VWA8: variants seen among roughly 807,000 people sequenced by gnomAD.
VWA8 encodes the protein von Willebrand factor A domain containing 8, also known as von Willebrand factor A domain-containing protein 8.
VWA8 carries 221 observed loss-of-function variants against 241.5 expected under a neutral mutation model. The observed-to-expected ratio is 0.91, with a 90% confidence interval of 0.82 to 1.02. The LOEUF (loss-of-function observed/expected upper bound fraction) is 1.02. Ranked by LOEUF, VWA8 falls within the 50% of genes least tolerant of loss-of-function variation. The probability of loss-of-function intolerance (pLI) is 0.00; values close to 1 mark genes in which losing one functional copy is unlikely to be tolerated. For missense variants in VWA8, 2,322 were observed against 2,328.7 expected (o/e 1.00, Z 0.06); for synonymous variants, 852 against 827.1 (o/e 1.03, Z -0.52).
intron 12 of VWA8, among the ~76,000 whole-genome samples, chr13:41,856,622 A>G (rs1872761108): frequency 6.6e-6 from 1 of 152,140 alleles, no homozygotes; most frequent in African/African-American, 2.4e-5. Context: ...GGAGTTCGAG[A>G]TCAGCCTGAG....
chr13:41,579,513 G>A (rs541630200), intron 42 of VWA8, among the ~76,000 whole-genome samples: 12 of 152,250 alleles, frequency 7.9e-5, no homozygotes, highest in African/African-American at 2.9e-4. Flanking sequence ...TCTAAACCTT[G>A]TTTCTACCTT....
At chr13:41,783,994 TATCTGTGG>T in intron 18 of VWA8, 93 bp from the exon 19 acceptor site, 1 of 833,332 alleles carries the variant, frequency 1.2e-6, no homozygotes, top group African/African-American at 1.7e-5. Flanking sequence ...GCTTCAGTAA[TATCTGTGG>T]ATTTTAATTT....
intron 4 of VWA8, among the ~76,000 whole-genome samples, chr13:41,897,647 T>C (rs1875180768): frequency 6.6e-6 from 1 of 152,026 alleles, no homozygotes; most frequent in East Asian, 1.9e-4. Context: ...GTGTTACAGC[T>C]CTTAAGGCTG....
chr13:41,904,900 C>T (rs762007874), intron 4 of VWA8, among the ~76,000 whole-genome samples: 4 of 152,052 alleles, frequency 2.6e-5, no homozygotes, highest in Non-Finnish European at 5.9e-5. Flanking sequence ...AGATAACCAA[C>T]TGGAAAAAGA....
At chr13:41,934,187 T>C (rs886392352) in intron 2 of VWA8, among the ~76,000 whole-genome samples, 6 of 148,960 alleles carry the variant, frequency 4.0e-5, no homozygotes, top group African/African-American at 1.5e-4. Flanking sequence ...TTACAAAAGA[T>C]ATAAAGATGA....
chr13:41,570,429 CTG>C, intron 44 of VWA8, 37 bp downstream of exon 44: 1 of 1,569,064 alleles, frequency 6.4e-7, no homozygotes. Context: ...CTCAGTATCT[CTG>C]TACCTGCCCT....
At chr13:41,712,060 G>C (rs1046125198) in intron 26 of VWA8, among the ~76,000 whole-genome samples, 1 of 151,908 alleles carries the variant, frequency 6.6e-6, no homozygotes, top group African/African-American at 2.4e-5. Flanking sequence ...TGGACATAGA[G>C]AATGGAATGA....
intron 23 of VWA8, among the ~76,000 whole-genome samples, chr13:41,728,603 G>C (rs2045456151): frequency 6.6e-6 from 1 of 151,578 alleles, no homozygotes; most frequent in Non-Finnish European, 1.5e-5. Context: ...GCAGAATTCT[G>C]AGGGTCTGAA....
chr13:41,685,027 A>G lies in VWA8; in HGVS notation c.4327+20T>C. 6.2e-7 allele frequency: 1 copy of G among 1,602,584 alleles called. No individual in the cohort carries two copies. On this transcript the variant is annotated intron_variant, in intron 35 of 44. Coordinates refer to ENST00000379310, the MANE Select transcript of VWA8 (RefSeq NM_015058.2). ...TTTAAACCACCTTTGTAAATTAGGA[A>G]TTGGTGAGTTCCTTCTTACCTTTTG...
intron 20 of VWA8, among the ~76,000 whole-genome samples, chr13:41,775,932 A>G (rs1868573268): frequency 6.6e-6 from 1 of 152,076 alleles, no homozygotes. Context: ...TCAACCTTTT[A>G]AACTAGAAGA....
At chr13:41,882,033 T>C (rs1874244167) in intron 9 of VWA8, among the ~76,000 whole-genome samples, 1 of 125,274 alleles carries the variant, frequency 8.0e-6, no homozygotes, top group Non-Finnish European at 1.6e-5. Flanking sequence ...GCGGAGGGGC[T>C]CCTCACTTCT....
At chr13:41,925,994 T>C (rs576187704) in intron 2 of VWA8, 15 of 404,014 alleles carry the variant, frequency 3.7e-5, no homozygotes, top group African/African-American at 2.9e-4. Context: ...GTAGGATCCA[T>C]GCTAAAAGAG....
At chr13:41,572,127 G>T (rs954036889) in intron 43 of VWA8, among the ~76,000 whole-genome samples, 1 of 150,714 alleles carries the variant, frequency 6.6e-6, no homozygotes, top group South Asian at 2.1e-4. Flanking sequence ...GCCCGTCTGC[G>T]AAGTGAGGAG....
chr13:41,618,906 G>C (rs1289257182), intron 37 of VWA8, among the ~76,000 whole-genome samples: 4 of 152,180 alleles, frequency 2.6e-5, no homozygotes, highest in African/African-American at 9.7e-5. Flanking sequence ...GTAAGGTAGC[G>C]TGATGCCTCC....
At chr13:41,655,489 CAGAGAGAGAGAGAGAG>C (rs34381157) in intron 37 of VWA8, among the ~76,000 whole-genome samples, 2 of 148,208 alleles carry the variant, frequency 1.3e-5, no homozygotes, top group Non-Finnish European at 3.0e-5. Flanking sequence ...TACAGAGAGA[CAGAGAGAGAGAGAGAG>C]AGAGAGAGAG....
chr13:41,629,341 T>C (rs944904116), intron 37 of VWA8, among the ~76,000 whole-genome samples: 2 of 151,772 alleles, frequency 1.3e-5, no homozygotes, highest in Non-Finnish European at 2.9e-5. Flanking sequence ...AAATAAAATA[T>C]GGAAGGAAAA....
At chr13:41,642,562 C>CAAAAAAAA (rs1156882566) in intron 37 of VWA8, among the ~76,000 whole-genome samples, 9 of 60,594 alleles carry the variant, frequency 1.5e-4, no homozygotes, top group East Asian at 9.8e-4. Flanking sequence ...CCGTCTCAAA[C>CAAAAAAAA]AAAAAAAAAA....
At chr13:41,587,748 A>T in intron 41 of VWA8, 78 bp from the exon 42 acceptor site, 1 of 1,563,784 alleles carries the variant, frequency 6.4e-7, no homozygotes, top group East Asian at 2.3e-5. Context: ...ATCTCACAGA[A>T]GCTCCAGCGT....
At chr13:41,680,703 C>A (rs1298691804) in intron 35 of VWA8, among the ~76,000 whole-genome samples, 1 of 152,214 alleles carries the variant, frequency 6.6e-6, no homozygotes, top group East Asian at 1.9e-4. Context: ...ACCAGGATCC[C>A]CTTTATGCTA....
Sources: gnomAD v4.1 joint callset for allele counts (sites outside exome capture counted in the v4.1 genomes callset) on GRCh38, gnomAD v4.1.1 for gene constraint, MANE v1.5 for transcripts, NCBI Gene and HGNC (gene_info 2026-07-23, HGNC 2026-07-21) for gene names.